ACO1: variants seen among roughly 807,000 people sequenced by gnomAD.
ACO1 encodes cytoplasmic aconitate hydratase.
In ACO1, 78 loss-of-function variants were observed where a neutral mutation model predicts 105.1. That is an observed-to-expected ratio of 0.74 (90% CI 0.62 to 0.90). The LOEUF is 0.90. Ranked by LOEUF, ACO1 falls within the 40% of genes least tolerant of loss-of-function variation. The pLI, the probability that ACO1 is intolerant of heterozygous loss-of-function variation, is 0.00. For synonymous variants in ACO1, 364 were observed against 397.4 expected (o/e 0.92, Z 1.00); for missense variants, 965 against 1,111.1 (o/e 0.87, Z 1.87).
At position 32,450,039 on chromosome 9, in the gene ACO1, C is replaced by T. The variant is rs774624498; in HGVS notation, c.2598C>T (p.Asp866=). 6 of 1,614,022 alleles carry T rather than the reference C, an allele frequency of 3.7e-6. No homozygotes were observed. Among genetic ancestry groups the T allele is most frequent in the Non-Finnish European group, 4.2e-6 (5 of 1,180,038 alleles). ...CCTTCCAGGCTGTCATGAGGTTTGA[C>T]ACTGATGTGGAGCTCACTTATTTCC... ...GKTFQAVMRF[D]TDVELTYFLN... Residue 866 remains aspartate, a synonymous_variant, in exon 21 of 21, where the codon GAC becomes GAT. Coordinates refer to ENST00000309951, the MANE Select transcript of ACO1 (RefSeq NM_002197.3).
chr9:32,405,922 A>T (rs369520212), intron 2 of ACO1, among the ~76,000 whole-genome samples: 17 of 152,234 alleles, frequency 1.1e-4, no homozygotes, highest in East Asian at 5.8e-4. Flanking sequence ...CCAAGAGTCA[A>T]TGACACATGC....
chr9:32,407,548 A>G, intron 3 of ACO1, 119 bp downstream of exon 3: 1 of 929,352 alleles, frequency 1.1e-6, no homozygotes. Flanking sequence ...TTATGACTAT[A>G]TAATATTATA....
At chr9:32,399,848 G>T (rs1821450700) in intron 1 of ACO1, among the ~76,000 whole-genome samples, 2 of 150,938 alleles carry the variant, frequency 1.3e-5, no homozygotes, top group South Asian at 4.2e-4. Flanking sequence ...TAAAAGTCAT[G>T]GTAAATGAAA....
chr9:32,392,499 A>G (rs1821286621), intron 1 of ACO1, among the ~76,000 whole-genome samples: 1 of 152,176 alleles, frequency 6.6e-6, no homozygotes, highest in Non-Finnish European at 1.5e-5. Context: ...ATAATGCCTG[A>G]ACATTGCTGC....
At chr9:32,412,923 A>C (rs148074749) in intron 4 of ACO1, among the ~76,000 whole-genome samples, 3 of 152,270 alleles carry the variant, frequency 2.0e-5, no homozygotes, top group Non-Finnish European at 4.4e-5. Flanking sequence ...GTAGAGACAG[A>C]ATTGTAATAT....
At chr9:32,427,518 T>C in intron 12 of ACO1, 82 bp downstream of exon 12, 2 of 1,555,582 alleles carry the variant, frequency 1.3e-6, no homozygotes, top group Non-Finnish European at 1.8e-6. Flanking sequence ...TTGTAACAGA[T>C]GTGAGATTAT....
intron 1 of ACO1, among the ~76,000 whole-genome samples, chr9:32,399,975 T>C (rs1563929571): frequency 1.5e-5 from 2 of 133,274 alleles, no homozygotes; most frequent in East Asian, 4.3e-4. Flanking sequence ...TGTTTTTTTT[T>C]TTTTTTTTTT....
chr9:32,402,164 A>G (rs188790475), intron 1 of ACO1, among the ~76,000 whole-genome samples: 1 of 152,308 alleles, frequency 6.6e-6, no homozygotes, highest in African/African-American at 2.4e-5. Flanking sequence ...GTACCTTAAA[A>G]GATACCATTT....
At chr9:32,429,097 T>C (rs1384562051) in intron 12 of ACO1, among the ~76,000 whole-genome samples, 1 of 152,212 alleles carries the variant, frequency 6.6e-6, no homozygotes, top group East Asian at 1.9e-4. Context: ...ATTTTATTCA[T>C]GTGCCTCATA....
chr9:32,436,860 C>G (rs1007685090), intron 18 of ACO1, among the ~76,000 whole-genome samples: 1 of 152,192 alleles, frequency 6.6e-6, no homozygotes, highest in Admixed American at 6.5e-5. Context: ...GTTCCCAGCT[C>G]CACGTTATAC....
Position 32,454,681 on chromosome 9 carries a change from T to TTTCA in ACO1, c.*4575_*4578dup, listed in dbSNP as rs887096826. The TTTCA allele has an allele frequency of 1.8e-4, 28 of 152,346 alleles. No individual in the cohort carries two copies. The highest frequency in any genetic ancestry group is 6.3e-4 in the African/African-American group (26 of 41,572). The allele number at this position is 152,346 out of a possible 1,614,324, so 9.4% of individuals were successfully genotyped here. A position where few individuals can be genotyped will look rare whatever the true frequency, so the allele number is the denominator to read the frequency against. ...TCCTAAAAGCCTACCTGCTCATTTC[T>TTTCA]TTCATTCAATACATATTAACCAAGT... On this transcript the variant is annotated 3_prime_UTR_variant, in exon 21 of 21. Coordinates refer to ENST00000309951, the MANE Select transcript of ACO1 (RefSeq NM_002197.3).
chr9:32,441,320 C>G (rs1822475594), intron 19 of ACO1, among the ~76,000 whole-genome samples: 1 of 152,138 alleles, frequency 6.6e-6, no homozygotes, highest in South Asian at 2.1e-4. Context: ...AAGAATCATG[C>G]CACCCAGCCT....
At chr9:32,449,949 G>GCTGT in intron 20 of ACO1, 49 bp from the exon 21 acceptor site, 3 of 1,494,062 alleles carry the variant, frequency 2.0e-6, no homozygotes, top group Non-Finnish European at 2.8e-6. Context: ...TCCGAGCAGA[G>GCTGT]CTGTCTCGCC....
intron 13 of ACO1, among the ~76,000 whole-genome samples, chr9:32,430,071 C>A (rs1312251801): frequency 6.6e-6 from 1 of 152,172 alleles, no homozygotes; most frequent in Non-Finnish European, 1.5e-5. Context: ...ATTATAGAAT[C>A]TACGTATTCT....
intron 10 of ACO1, 42 bp from the exon 11 acceptor site, chr9:32,425,796 A>G (rs1822077747): frequency 7.3e-7 from 1 of 1,375,726 alleles, no homozygotes; most frequent in African/African-American, 1.5e-5. Flanking sequence ...TATATCTTAT[A>G]TAAATATATT....
At chr9:32,402,789 T>G (rs1207312386) in intron 1 of ACO1, among the ~76,000 whole-genome samples, 1 of 152,190 alleles carries the variant, frequency 6.6e-6, no homozygotes, top group Non-Finnish European at 1.5e-5. Flanking sequence ...ACCAGGAGAT[T>G]TGAGACAAGA....
chr9:32,433,837 G>T lies in ACO1; in HGVS notation c.1956+5G>T. 6.3e-7 allele frequency: 1 copy of T among 1,577,138 alleles called. No homozygotes were observed. Among genetic ancestry groups the T allele is most frequent in the South Asian group, 1.2e-5 (1 of 85,374 alleles). On this transcript the variant is annotated splice_donor_5th_base_variant and intron_variant, in intron 16 of 20. Transcript: ENST00000309951. ...CCACCATTCTTTGAAAACCTGGTAT[G>T]GCTTTTTATTTTTTAACAAAATGAA...
At chr9:32,410,507 CAG>C (rs1464275594) in intron 4 of ACO1, among the ~76,000 whole-genome samples, 2 of 151,690 alleles carry the variant, frequency 1.3e-5, no homozygotes, top group African/African-American at 4.8e-5. Context: ...TTGCCATGAG[CAG>C]AGATAGTGCC....
chr9:32,399,560 T>C (rs368119918), intron 1 of ACO1, among the ~76,000 whole-genome samples: 1 of 152,194 alleles, frequency 6.6e-6, no homozygotes, highest in East Asian at 1.9e-4. Flanking sequence ...AGCTAGAAAT[T>C]TATTTGAAAG....
Sources: gnomAD v4.1 joint callset for allele counts (sites outside exome capture counted in the v4.1 genomes callset) on GRCh38, gnomAD v4.1.1 for gene constraint, MANE v1.5 for transcripts, NCBI Gene and HGNC (gene_info 2026-07-23, HGNC 2026-07-21) for gene names.